Variants in DENND1A observed in about 807,000 individuals in gnomAD.
DENND1A encodes DENN domain containing 1A.
In DENND1A, 51 loss-of-function variants were observed where a neutral mutation model predicts 113.7. That is an observed-to-expected ratio of 0.45 (90% CI 0.36 to 0.57). The LOEUF (loss-of-function observed/expected upper bound fraction) is 0.57. DENND1A is among the 20% of genes least tolerant of loss of function. The pLI is 0.00. For synonymous variants in DENND1A, 565 were observed against 570.8 expected (o/e 0.99, Z 0.14); for missense variants, 1,258 against 1,395.9 (o/e 0.90, Z 1.57).
intron 10 of DENND1A, among the ~76,000 whole-genome samples, chr9:123,620,232 A>AAAAAAGAAAAAAAAAAAAAAAG (rs1554916734): frequency 8.7e-6 from 1 of 114,422 alleles, no homozygotes; most frequent in Non-Finnish European, 1.7e-5. Flanking sequence ...AAAAAAAAAA[A>AAAAAAGAAAAAAAAAAAAAAAG]AAAAAAGAAA....
chr9:123,713,480 G>A (rs1208693082), intron 5 of DENND1A, among the ~76,000 whole-genome samples: 1 of 152,164 alleles, frequency 6.6e-6, no homozygotes, highest in Non-Finnish European at 1.5e-5. Flanking sequence ...GTTATCATCT[G>A]GGAATCAGAG....
At chr9:123,550,761 G>A (rs553859118) in intron 13 of DENND1A, among the ~76,000 whole-genome samples, 22 of 152,204 alleles carry the variant, frequency 1.4e-4, no homozygotes, top group African/African-American at 4.6e-4. Context: ...AAATTCTTTC[G>A]TTCTCTCTAG....
intron 6 of DENND1A, 34 bp downstream of exon 6, chr9:123,676,686 T>G: frequency 1.3e-6 from 2 of 1,586,950 alleles, no homozygotes; most frequent in Non-Finnish European, 1.7e-6. Context: ...TAAAGCTTAT[T>G]TGTTTAAAAG....
chr9:123,823,320 A>C (rs941671991), intron 2 of DENND1A, among the ~76,000 whole-genome samples: 2 of 152,228 alleles, frequency 1.3e-5, no homozygotes, highest in Non-Finnish European at 2.9e-5. Context: ...TTGGATAGGC[A>C]AAAGTAGGGA....
At chr9:123,702,514 A>T (rs991564918) in intron 5 of DENND1A, among the ~76,000 whole-genome samples, 1 of 152,210 alleles carries the variant, frequency 6.6e-6, no homozygotes, top group Non-Finnish European at 1.5e-5. Flanking sequence ...GAATCTAATC[A>T]AACTGTCAAA....
chr9:123,440,403 T>C lies in DENND1A; in HGVS notation c.1445A>G (p.Lys482Arg), dbSNP rs765787874. 6.3e-7 allele frequency: 1 copy of C among 1,599,164 alleles called. No homozygotes were observed. Among genetic ancestry groups the C allele is most frequent in the Non-Finnish European group, 8.5e-7 (1 of 1,174,328 alleles). ...GATTGGCCGCCGGTCTTCTCGGAGC[T>C]TGGGGTCCTTGGCCTCCACCAGTGG... ...PSPLVEAKDP[K>R]LREDRRPITV... Residue 482 changes from lysine to arginine, a missense_variant, in exon 19 of 24, where the codon AAG becomes AGG. This residue lies in a region of DENND1A where 1,159 missense variants were observed against 1,231.7 expected (regional missense o/e 0.94). Transcript: ENST00000394215.
chr9:123,619,200 G>A (rs1589380458), intron 10 of DENND1A, among the ~76,000 whole-genome samples: 1 of 152,216 alleles, frequency 6.6e-6, no homozygotes. Flanking sequence ...ACCCACCTGG[G>A]CCTCCCAAAG....
At chr9:123,479,271 A>G (rs1417859473) in intron 13 of DENND1A, among the ~76,000 whole-genome samples, 2 of 152,180 alleles carry the variant, frequency 1.3e-5, no homozygotes, top group Non-Finnish European at 2.9e-5. Flanking sequence ...AAAGGTCACC[A>G]ACATGATCGC....
intron 2 of DENND1A, among the ~76,000 whole-genome samples, chr9:123,833,767 A>C (rs1298766583): frequency 6.6e-6 from 1 of 152,250 alleles, no homozygotes; most frequent in East Asian, 1.9e-4. Flanking sequence ...ATGGGTCTTA[A>C]AACCAGCTTC....
At chr9:123,753,420 G>T (rs2070237355) in intron 5 of DENND1A, among the ~76,000 whole-genome samples, 1 of 152,220 alleles carries the variant, frequency 6.6e-6, no homozygotes, top group African/African-American at 2.4e-5. Flanking sequence ...TTAAAATACA[G>T]ATGGCTTAAC....
At chr9:123,645,125 C>G (rs561568709) in intron 9 of DENND1A, among the ~76,000 whole-genome samples, 52 of 152,248 alleles carry the variant, frequency 3.4e-4, no homozygotes, top group Non-Finnish European at 6.2e-4. Flanking sequence ...TTTTCTTATA[C>G]AGAATATCAC....
At chr9:123,642,657 C>T (rs1462177379) in intron 9 of DENND1A, among the ~76,000 whole-genome samples, 2 of 152,188 alleles carry the variant, frequency 1.3e-5, no homozygotes, top group Non-Finnish European at 2.9e-5. Context: ...GTCTTGGCTT[C>T]CCTTGAGCAC....
At chr9:123,406,115 T>C (rs2043830350) in intron 20 of DENND1A, among the ~76,000 whole-genome samples, 1 of 152,066 alleles carries the variant, frequency 6.6e-6, no homozygotes, top group African/African-American at 2.4e-5. Flanking sequence ...CACGGTGGCT[T>C]AGGGACACAG....
chr9:123,542,070 G>A (rs540509113), intron 13 of DENND1A, among the ~76,000 whole-genome samples: 1 of 152,304 alleles, frequency 6.6e-6, no homozygotes, highest in African/African-American at 2.4e-5. Flanking sequence ...TTAGACATCT[G>A]TTAGATAGTA....
intron 5 of DENND1A, among the ~76,000 whole-genome samples, chr9:123,748,921 C>G (rs1036797885): frequency 6.6e-6 from 1 of 152,140 alleles, no homozygotes; most frequent in Non-Finnish European, 1.5e-5. Flanking sequence ...TCAAACATAC[C>G]TTGCATCGGA....
chr9:123,826,885 C>T (rs1042368732), intron 2 of DENND1A, among the ~76,000 whole-genome samples: 11 of 152,134 alleles, frequency 7.2e-5, no homozygotes, highest in South Asian at 4.2e-4. Context: ...TAGAAACAGA[C>T]GAGGAAATAC....
chr9:123,487,724 A>G (rs2051013827), intron 13 of DENND1A, among the ~76,000 whole-genome samples: 2 of 152,184 alleles, frequency 1.3e-5, no homozygotes, highest in Admixed American at 1.3e-4. Flanking sequence ...CAACAGCTTT[A>G]AAAGAATTGA....
intron 4 of DENND1A, among the ~76,000 whole-genome samples, chr9:123,765,348 A>G (rs1022255433): frequency 1.4e-4 from 21 of 152,164 alleles, no homozygotes; most frequent in African/African-American, 4.1e-4. Flanking sequence ...GTGTGGCATG[A>G]GGATAATGGT....
chr9:123,772,623 G>C (rs1022492859), intron 3 of DENND1A, among the ~76,000 whole-genome samples: 2 of 152,148 alleles, frequency 1.3e-5, no homozygotes, highest in African/African-American at 4.8e-5. Context: ...GCAGGGGGTG[G>C]GGAGGACTGT....
Sources: gnomAD v4.1 joint callset for allele counts (sites outside exome capture counted in the v4.1 genomes callset) on GRCh38, gnomAD v4.1.1 for gene constraint, gnomAD v4.1.1 regional missense constraint, MANE v1.5 for transcripts, NCBI Gene and HGNC (gene_info 2026-07-23, HGNC 2026-07-21) for gene names.